The following TMEM200A variants were observed in gnomAD, a reference collection of about 807,000 sequenced individuals.
TMEM200A encodes the protein two transmembrane C.
TMEM200A carries 12 observed loss-of-function variants against 24.3 expected under a neutral mutation model. That is an observed-to-expected ratio of 0.49 (90% confidence interval 0.32 to 0.80). TMEM200A has a LOEUF of 0.80. Among genes scored for constraint, TMEM200A ranks in the 30% least tolerant of loss-of-function variants. The pLI is 0.04. For missense variants in TMEM200A, 545 were observed against 614.4 expected (o/e 0.89, Z 1.19); for synonymous variants, 224 against 224.4 (o/e 1.00, Z 0.02).
At chr6:130,420,172 G>T (rs1035225606) in intron 2 of TMEM200A, among the ~76,000 whole-genome samples, 10 of 152,030 alleles carry the variant, frequency 6.6e-5, no homozygotes, top group East Asian at 1.9e-4. Context: ...CCACCTCTCT[G>T]TATTTTAGTA....
intron 2 of TMEM200A, among the ~76,000 whole-genome samples, chr6:130,390,941 C>A (rs188766759): frequency 1.3e-5 from 2 of 152,196 alleles, no homozygotes; most frequent in Non-Finnish European, 2.9e-5. Context: ...TTAGCTCCAT[C>A]TGTAACCTCT....
intron 2 of TMEM200A, among the ~76,000 whole-genome samples, chr6:130,425,834 A>G (rs547336519): frequency 1.3e-5 from 2 of 152,340 alleles, no homozygotes; most frequent in South Asian, 4.1e-4. Context: ...AAGACTACAA[A>G]TAAATCTATG....
chr6:130,370,855 C>G (rs1192410027), intron 1 of TMEM200A, among the ~76,000 whole-genome samples: 4 of 152,118 alleles, frequency 2.6e-5, no homozygotes, highest in African/African-American at 9.7e-5. Context: ...ATTGGATACC[C>G]CCTACTTTGG....
At chr6:130,375,987 C>CAT (rs3029938) in intron 1 of TMEM200A, among the ~76,000 whole-genome samples, 26,523 of 151,234 alleles carry the variant, frequency 0.18, 2,575 homozygotes, top group East Asian at 0.39. Flanking sequence ...ATAAATATAA[C>CAT]GTAAATATAT....
chr6:130,405,402 AT>A (rs528994323), intron 2 of TMEM200A, among the ~76,000 whole-genome samples: 11 of 150,690 alleles, frequency 7.3e-5, no homozygotes, highest in Admixed American at 2.0e-4. Context: ...TGGGTATTTT[AT>A]TTTTTTTTGT....
At chr6:130,435,163 A>C (rs116865420) in intron 2 of TMEM200A, among the ~76,000 whole-genome samples, 2,770 of 151,680 alleles carry the variant, frequency 0.018, 23 homozygotes, top group Non-Finnish European at 0.027. Context: ...TTTTTCTTCA[A>C]ATTAAGAGAC....
chr6:130,427,481 G>A (rs1383095350), intron 2 of TMEM200A, among the ~76,000 whole-genome samples: 4 of 151,992 alleles, frequency 2.6e-5, no homozygotes, highest in South Asian at 2.1e-4. Flanking sequence ...CATTACTATC[G>A]TGCTGCAGTG....
chr6:130,376,697 A>G (rs569974387), intron 1 of TMEM200A, among the ~76,000 whole-genome samples: 1 of 152,234 alleles, frequency 6.6e-6, no homozygotes, highest in East Asian at 1.9e-4. Flanking sequence ...ATTGTATTCA[A>G]AATGCTAAAA....
intron 1 of TMEM200A, among the ~76,000 whole-genome samples, chr6:130,376,404 T>G (rs118093330): frequency 0.018 from 2,781 of 152,200 alleles, 22 homozygotes; most frequent in Non-Finnish European, 0.027. Flanking sequence ...ACAAGTAGCC[T>G]CCCAAGTAGC....
chr6:130,382,781 T>C (rs1778630666), intron 1 of TMEM200A, among the ~76,000 whole-genome samples: 1 of 152,226 alleles, frequency 6.6e-6, no homozygotes, highest in African/African-American at 2.4e-5. Context: ...TTTTGGAGAC[T>C]AGTGGATGGA....
chr6:130,415,332 G>A (rs891046157), intron 2 of TMEM200A, among the ~76,000 whole-genome samples: 2 of 152,128 alleles, frequency 1.3e-5, no homozygotes, highest in Admixed American at 6.5e-5. Context: ...ATGAGCAGAA[G>A]GTTCCTGTGT....
At chr6:130,405,529 G>T (rs1468760988) in intron 2 of TMEM200A, among the ~76,000 whole-genome samples, 3 of 152,090 alleles carry the variant, frequency 2.0e-5, no homozygotes, top group African/African-American at 7.2e-5. Context: ...CTTTCCATTA[G>T]TTGACTTTGC....
intron 2 of TMEM200A, among the ~76,000 whole-genome samples, chr6:130,391,062 A>G (rs1778821317): frequency 6.6e-6 from 1 of 152,210 alleles, no homozygotes; most frequent in Non-Finnish European, 1.5e-5. Flanking sequence ...GCACCACTGC[A>G]TACATACAGC....
At position 130,441,427 on chromosome 6, in the gene TMEM200A, T is replaced by G; in HGVS notation, c.1005T>G (p.Ser335Arg). 2 of 1,614,094 alleles carry G rather than the reference T, an allele frequency of 1.2e-6. No homozygotes were observed. The highest frequency in any genetic ancestry group is 1.7e-6 in the Non-Finnish European group (2 of 1,179,994). ...DSLVVPLPNT[S>R]ESFQPVSTVL... ...TTGTGGTTCCTTTGCCCAACACCAGTGAATCCTTCCAGCCCGTCAGCACAG... is the reference window on the plus strand; with the variant it reads ...TTGTGGTTCCTTTGCCCAACACCAGGGAATCCTTCCAGCCCGTCAGCACAG... The change falls in exon 3 of 3, where the codon AGT (serine) becomes AGG (arginine). Residue 335 changes from serine (S) to arginine (R), a missense_variant. Coordinates refer to ENST00000296978, the MANE Select transcript of TMEM200A (RefSeq NM_001258277.2).
intron 2 of TMEM200A, among the ~76,000 whole-genome samples, chr6:130,402,009 T>C (rs1779100645): frequency 6.6e-6 from 1 of 151,906 alleles, no homozygotes; most frequent in Non-Finnish European, 1.5e-5. Context: ...TGTGCCCTAA[T>C]GTTGACTATC....
At chr6:130,408,942 C>G (rs72992487) in intron 2 of TMEM200A, among the ~76,000 whole-genome samples, 15,297 of 152,070 alleles carry the variant, frequency 0.1, 998 homozygotes, top group Admixed American at 0.16. Flanking sequence ...ACCACCACCC[C>G]CTCCCTGACC....
intron 2 of TMEM200A, among the ~76,000 whole-genome samples, chr6:130,393,032 A>G (rs74596137): frequency 0.028 from 4,220 of 152,366 alleles, 73 homozygotes; most frequent in African/African-American, 0.044. Context: ...GTATAGACTT[A>G]CAAAATCATG....
intron 2 of TMEM200A, among the ~76,000 whole-genome samples, chr6:130,386,543 T>A (rs1778715789): frequency 6.6e-6 from 1 of 152,198 alleles, no homozygotes; most frequent in Non-Finnish European, 1.5e-5. Context: ...TTAGGAAAGT[T>A]TACCCTCTTC....
At chr6:130,408,320 T>C (rs1312133473) in intron 2 of TMEM200A, among the ~76,000 whole-genome samples, 1 of 152,200 alleles carries the variant, frequency 6.6e-6, no homozygotes, top group Non-Finnish European at 1.5e-5. Context: ...CCAACTACAC[T>C]TGAGGCCAGA....
Sources: allele counts gnomAD v4.1 joint callset (sites outside exome capture counted in the v4.1 genomes callset), GRCh38; gene constraint gnomAD v4.1.1; transcripts MANE v1.5; gene names NCBI Gene and HGNC (gene_info 2026-07-23, HGNC 2026-07-21).